CDCA7: variants seen among roughly 807,000 people sequenced by gnomAD.
CDCA7 encodes the protein cell division cycle-associated protein 7.
A neutral mutation model predicts 54.0 loss-of-function variants in CDCA7; 28 were observed. That is an observed-to-expected ratio of 0.52 (90% CI 0.38 to 0.71). The LOEUF is 0.71. CDCA7 is among the 30% of genes least tolerant of loss of function. The pLI is 0.00. For missense variants in CDCA7, 484 were observed against 586.0 expected, an observed-to-expected ratio of 0.83 and a Z score of 1.80; for synonymous variants, 180 against 208.2, an observed-to-expected ratio of 0.86 and a Z score of 1.16.
chr2:173,362,663 C>A (rs370168975), intron 3 of CDCA7, among the ~76,000 whole-genome samples: 13 of 151,792 alleles, frequency 8.6e-5, no homozygotes, highest in South Asian at 6.3e-4. Flanking sequence ...GAGCCTCTGC[C>A]CCCTGGGCTC....
intron 3 of CDCA7, among the ~76,000 whole-genome samples, chr2:173,361,283 G>A (rs1035833875): frequency 6.6e-6 from 1 of 152,052 alleles, no homozygotes; most frequent in Non-Finnish European, 1.5e-5. Context: ...TAGTTTTTGT[G>A]TATACTCTTA....
chr2:173,367,501 T>A (rs1272503006), intron 9 of CDCA7, 133 bp from the exon 10 acceptor site: 3 of 1,302,246 alleles, frequency 2.3e-6, no homozygotes, highest in African/African-American at 1.5e-5. Flanking sequence ...GGTAATATAC[T>A]TGAAGATGCG....
intron 1 of CDCA7, among the ~76,000 whole-genome samples, chr2:173,356,981 A>ATG (rs1407945821): frequency 6.6e-6 from 1 of 152,212 alleles, no homozygotes; most frequent in Non-Finnish European, 1.5e-5. Context: ...GAAATGCGTA[A>ATG]TGTTAGGCCA....
chr2:173,356,097 G>A (rs1686499318), intron 1 of CDCA7: 2 of 152,192 alleles, frequency 1.3e-5, no homozygotes, highest in Admixed American at 1.3e-4. Context: ...TAAACCTGAC[G>A]TGAAAGTGTA....
chr2:173,357,134 AAC>A (rs1686521935), intron 1 of CDCA7, among the ~76,000 whole-genome samples: 1 of 152,204 alleles, frequency 6.6e-6, no homozygotes, highest in Admixed American at 6.5e-5. Flanking sequence ...AAGGAATAAA[AAC>A]ACAGGACCTA....
Position 173,366,884 on chromosome 2 carries a change from G to A in CDCA7, c.1186-266G>A, listed in dbSNP as rs2106392635. On this transcript the variant is annotated intron_variant, in intron 8 of 9. Transcript: ENST00000306721. The surrounding 1 kb of genome is among the most constrained non-coding windows in gnomAD (Gnocchi z 4.5). ...ATTCAGAACACAAATGAATTCAGAG[G>A]GATGGTGCTGCATAGGCATGAGCCG... is the stretch of plus-strand genomic sequence containing the variant. 6.6e-6 allele frequency among the ~76,000 whole-genome samples: 1 copy of A among 152,230 alleles called. No individual in the cohort carries two copies. The highest frequency in any genetic ancestry group is 1.9e-4 in the East Asian group (1 of 5,180).
Position 173,366,764 on chromosome 2 carries a change from A to G in CDCA7, c.1185+332A>G, listed in dbSNP as rs765540565. Among the ~76,000 whole-genome samples, 5 of 152,026 alleles carry G rather than the reference A, an allele frequency of 3.3e-5. No homozygotes were observed. The highest frequency in any genetic ancestry group is 7.4e-5 in the Non-Finnish European group (5 of 67,972). ...ACATTGGCCAGGATGGTGTGGTGGT[A>G]CAAGATCTCTTGACCTCGTGATCCA... On this transcript the variant is annotated intron_variant, in intron 8 of 9. Coordinates refer to ENST00000306721, the MANE Select transcript of CDCA7 (RefSeq NM_031942.5). This position sits in a 1 kb window ranked among gnomAD's most constrained non-coding sequence, Gnocchi z 4.5.
intron 1 of CDCA7, 126 bp from the exon 2 acceptor site, chr2:173,358,586 T>C: frequency 1.9e-6 from 2 of 1,025,786 alleles, no homozygotes; most frequent in Non-Finnish European, 2.7e-6. Flanking sequence ...TCCTTTTCTA[T>C]GTAGGGTATG....
intron 3 of CDCA7, among the ~76,000 whole-genome samples, chr2:173,361,824 C>T (rs897989750): frequency 4.6e-5 from 7 of 151,106 alleles, no homozygotes; most frequent in South Asian, 2.1e-4. Flanking sequence ...TTTTATTTTT[C>T]GGAGACGGAG....
rs1686769914 is a variant in CDCA7, at chr2:173,368,795, T to G, written c.*1131T>G. The G allele has an allele frequency of 6.6e-6, 1 of 152,238 alleles. No homozygotes were observed. Among genetic ancestry groups the G allele is most frequent in the Admixed American group, 6.5e-5 (1 of 15,288 alleles). The allele number at this position is 152,238 out of a possible 1,614,324, so 9.4% of individuals were successfully genotyped here. The stretch of plus-strand genomic sequence containing the variant: ...GCATATGTAAACCATTGCTGTGCCA[T>G]TCAATGTTTGATGCATAATTGGACC... On this transcript the variant is annotated 3_prime_UTR_variant, in exon 10 of 10. Coordinates refer to ENST00000306721, the MANE Select transcript of CDCA7 (RefSeq NM_031942.5).
In CDCA7 at chr2:173,360,021, G is replaced by A. The variant is rs773668627; in HGVS notation, c.384+530G>A. Among the ~76,000 whole-genome samples the A allele has an allele frequency of 4.1e-4, 62 of 152,230 alleles. No homozygotes were observed. The Middle Eastern group carries it at 0.01, about 25-fold the overall frequency. On this transcript the variant is annotated intron_variant, in intron 3 of 9. Transcript: ENST00000306721. ...TGCACGCTACCTTCCTTTAACTGCC[G>A]CTGCCACTGTTGTGCTGTGCCTCGG...
At chr2:173,363,147 C>G in intron 3 of CDCA7, 79 bp from the exon 4 acceptor site, 1 of 1,341,162 alleles carries the variant, frequency 7.5e-7, no homozygotes, top group South Asian at 1.2e-5. Context: ...ACAAGTGTCT[C>G]ATTGAAAAGG....
At chr2:173,359,624 A>G (rs1484310242) in intron 3 of CDCA7, 133 bp downstream of exon 3, 3 of 750,448 alleles carry the variant, frequency 4.0e-6, no homozygotes, top group Non-Finnish European at 6.5e-6. Context: ...AAAAATTTTT[A>G]GTGTTTTCTT....
intron 5 of CDCA7, 200 bp from the exon 6 acceptor site, chr2:173,364,595 C>A: frequency 2.9e-6 from 1 of 346,230 alleles, no homozygotes. Flanking sequence ...AGAAACTGGG[C>A]TTGGTATTAC....
intron 1 of CDCA7, 25 bp downstream of exon 1, chr2:173,355,009 A>T (rs1401705111): frequency 1.5e-6 from 2 of 1,369,858 alleles, no homozygotes; most frequent in Non-Finnish European, 1.9e-6. Context: ...GGCGAACCCG[A>T]GGGGCGGGCG....
Position 173,367,165 on chromosome 2 carries a change from C to G in CDCA7, c.1201C>G (p.Pro401Ala), listed in dbSNP as rs770704244. Residue 401 changes from proline to alanine, a missense_variant, in exon 9 of 10, where the codon CCT (proline) becomes GCT (alanine). Around this residue, in one of 3 missense-constraint regions of CDCA7, gnomAD observed 83 missense variants for 122.3 expected, o/e 0.68. Coordinates refer to ENST00000306721, the MANE Select transcript of CDCA7 (RefSeq NM_031942.5). ...CCTCCTTCAGAACTGGCATTGCCCG[C>G]CTTGTCGAGGAATCTGCAACTGCAG... is the stretch of plus-strand genomic sequence containing the variant. ...ALLDPNWHCP[P>A]CRGICNCSFC... The G allele has an allele frequency of 1.1e-5, 17 of 1,595,334 alleles. No homozygotes were observed. The highest frequency in any genetic ancestry group is 1.3e-5 in the Non-Finnish European group (15 of 1,172,342).
intron 3 of CDCA7, among the ~76,000 whole-genome samples, chr2:173,360,194 T>C (rs1390475243): frequency 6.6e-6 from 1 of 152,232 alleles, no homozygotes; most frequent in Admixed American, 6.5e-5. Flanking sequence ...CTGAGGTTCA[T>C]GGTTTGAGTA....
chr2:173,355,165 A>C (rs1290854861), intron 1 of CDCA7, among the ~76,000 whole-genome samples, 181 bp downstream of exon 1: 1 of 152,096 alleles, frequency 6.6e-6, no homozygotes, highest in East Asian at 1.9e-4. Flanking sequence ...GGCCATGGGG[A>C]CGTTCCTGCG....
chr2:173,360,192 C>G (rs956648328), intron 3 of CDCA7, among the ~76,000 whole-genome samples: 3 of 152,212 alleles, frequency 2.0e-5, no homozygotes, highest in African/African-American at 7.2e-5. Flanking sequence ...GCCTGAGGTT[C>G]ATGGTTTGAG....
Sources: allele counts gnomAD v4.1 joint callset (sites outside exome capture counted in the v4.1 genomes callset), GRCh38; gene constraint gnomAD v4.1.1; regional missense constraint gnomAD v4.1.1; non-coding constraint Gnocchi (gnomAD v3.1); transcripts MANE v1.5; gene names NCBI Gene and HGNC (gene_info 2026-07-23, HGNC 2026-07-21).